Variants in UBR3 observed in about 807,000 individuals in gnomAD.
UBR3 encodes the protein E3 ubiquitin-protein ligase UBR3.
Under a neutral mutation model 243.2 loss-of-function variants are expected in UBR3, and 85 were observed. That is an observed-to-expected ratio of 0.35 (90% CI 0.29 to 0.42). The LOEUF is 0.42. Among genes scored for constraint, UBR3 ranks in the 10% least tolerant of loss-of-function variants. The pLI, the probability that UBR3 is intolerant of heterozygous loss-of-function variation, is 1.00. For synonymous variants in UBR3, 748 were observed against 799.8 expected, an observed-to-expected ratio of 0.94 and a Z score of 1.09; for missense variants, 1,686 against 2,300.8, an observed-to-expected ratio of 0.73 and a Z score of 5.47.
chr2:170,077,601 T>G (rs567445315), intron 36 of UBR3: 2 of 508,676 alleles, frequency 3.9e-6, no homozygotes, highest in Admixed American at 7.4e-5. Flanking sequence ...TTGGAATAAC[T>G]TTGAGACAGA....
chr2:170,061,120 C>A lies in UBR3; in HGVS notation c.4827C>A (p.Ser1609Arg). 6.3e-7 allele frequency: 1 copy of A among 1,599,224 alleles called. No homozygotes were observed. The highest frequency in any genetic ancestry group is 8.5e-7 in the Non-Finnish European group (1 of 1,175,916). ...DAEKSYEVLL[S>R]FVISELFKGK... ...AAAAGTCTTACGAAGTATTACTGAG[C>A]TTTGTGATAAGTGAACTATTTAAAG... The change falls in exon 34 of 39, where the codon AGC (serine) becomes AGA (arginine). Residue 1609 changes from serine (S) to arginine (R), a missense_variant. By Grantham distance (110) the Ser-to-Arg change is moderately radical (BLOSUM62 -1). Coordinates refer to ENST00000272793, the MANE Select transcript of UBR3 (RefSeq NM_172070.4).
intron 24 of UBR3, among the ~76,000 whole-genome samples, chr2:169,982,510 G>C (rs2088786317): frequency 6.6e-6 from 1 of 152,070 alleles, no homozygotes; most frequent in Non-Finnish European, 1.5e-5. Context: ...GTAAACTCTT[G>C]AAGTAGAACT....
At chr2:170,070,176 G>A (rs546859087) in intron 35 of UBR3, among the ~76,000 whole-genome samples, 9 of 152,080 alleles carry the variant, frequency 5.9e-5, no homozygotes, top group South Asian at 2.1e-4. Flanking sequence ...GGTTTATCCC[G>A]GAATGCACAG....
At chr2:169,970,646 A>G (rs2088089998) in intron 24 of UBR3, among the ~76,000 whole-genome samples, 1 of 120,566 alleles carries the variant, frequency 8.3e-6, no homozygotes, top group East Asian at 2.4e-4. Flanking sequence ...CCTACAAAGG[A>G]CACGAACTCA....
At position 169,926,990 on chromosome 2, in the gene UBR3, A is replaced by G. The variant is rs2085933553; in HGVS notation, c.2338+19A>G. 6.5e-7 allele frequency: 1 copy of G among 1,543,690 alleles called. No individual in the cohort carries two copies. The highest frequency in any genetic ancestry group is 2.0e-5 in the Admixed American group (1 of 50,882). On this transcript the variant is annotated intron_variant, in intron 16 of 38. Transcript: ENST00000272793. ...CATTTAGGTAAAACTCACTGATACT[A>G]ATACTTATGCATTAACTGTTTTCCT...
chr2:169,895,712 G>T (rs2084558070), intron 7 of UBR3, among the ~76,000 whole-genome samples: 3 of 152,184 alleles, frequency 2.0e-5, no homozygotes, highest in Admixed American at 2.0e-4. Context: ...GCTGGGAAAA[G>T]CATGGGTTGA....
intron 1 of UBR3, among the ~76,000 whole-genome samples, chr2:169,851,442 T>G (rs1424535883): frequency 1.3e-5 from 2 of 152,226 alleles, no homozygotes; most frequent in Non-Finnish European, 2.9e-5. Flanking sequence ...GTGAGCCATC[T>G]CACCCAGATG....
intron 14 of UBR3, 72 bp from the exon 15 acceptor site, chr2:169,926,620 A>T (rs554260236): frequency 4.2e-6 from 6 of 1,421,796 alleles, no homozygotes; most frequent in African/African-American, 1.5e-5. Flanking sequence ...AAAAAAAAGT[A>T]TAGAAAAACA....
chr2:169,839,269 A>G (rs551748399), intron 1 of UBR3, among the ~76,000 whole-genome samples: 33 of 152,374 alleles, frequency 2.2e-4, no homozygotes, highest in African/African-American at 7.7e-4. Context: ...AACCAAGGGC[A>G]GAAAGACAAA....
chr2:170,038,737 A>G (rs2090891597), intron 31 of UBR3, among the ~76,000 whole-genome samples: 1 of 152,098 alleles, frequency 6.6e-6, no homozygotes, highest in Non-Finnish European at 1.5e-5. Flanking sequence ...GTTATGTTTC[A>G]GGCATTGTAT....
chr2:169,891,247 A>G lies in UBR3; in HGVS notation c.1105+16A>G, dbSNP rs1250667560. On this transcript the variant is annotated intron_variant, in intron 6 of 38. Transcript: ENST00000272793. ...GGCACCAAAGGTATTTGTATTTATT[A>G]TTATTTTTTTCCTTGAATAAAATGC... is the stretch of plus-strand genomic sequence containing the variant. 5 of 1,539,592 alleles carry G rather than the reference A, an allele frequency of 3.2e-6. No homozygotes were observed. The South Asian group carries it at 6.0e-5, about 19-fold the overall frequency.
At chr2:170,009,304 G>T (rs2090015696) in intron 29 of UBR3, among the ~76,000 whole-genome samples, 1 of 152,066 alleles carries the variant, frequency 6.6e-6, no homozygotes, top group Non-Finnish European at 1.5e-5. Flanking sequence ...TTGATTTATG[G>T]AAAAATAAGA....
intron 11 of UBR3, among the ~76,000 whole-genome samples, chr2:169,921,114 G>T (rs532390442): frequency 6.6e-6 from 1 of 152,158 alleles, no homozygotes; most frequent in Non-Finnish European, 1.5e-5. Flanking sequence ...GAAGGAGGAA[G>T]TCTACATTTC....
At chr2:169,939,196 T>C (rs889932589) in intron 19 of UBR3, among the ~76,000 whole-genome samples, 2 of 151,996 alleles carry the variant, frequency 1.3e-5, no homozygotes, top group African/African-American at 2.4e-5. Context: ...AAGTTTTGAT[T>C]GTCTCTCTCC....
intron 23 of UBR3, among the ~76,000 whole-genome samples, chr2:169,951,758 G>A (rs1433400456): frequency 6.6e-6 from 1 of 151,992 alleles, no homozygotes; most frequent in Non-Finnish European, 1.5e-5. Flanking sequence ...GGGCAGGTGT[G>A]GTAAGGGTCT....
chr2:169,845,128 T>C (rs1222786650), intron 1 of UBR3, among the ~76,000 whole-genome samples: 1 of 152,168 alleles, frequency 6.6e-6, no homozygotes, highest in Non-Finnish European at 1.5e-5. Flanking sequence ...TTTAGAAGTT[T>C]TGAGTTTTTT....
chr2:169,936,677 C>G (rs530100801), intron 19 of UBR3, among the ~76,000 whole-genome samples: 15 of 152,058 alleles, frequency 9.9e-5, no homozygotes, highest in African/African-American at 1.2e-4. Context: ...CCCACTCCCC[C>G]CACCCCACAA....
chr2:169,924,738 A>G (rs2105346039), intron 13 of UBR3, among the ~76,000 whole-genome samples: 2 of 152,332 alleles, frequency 1.3e-5, no homozygotes, highest in South Asian at 4.1e-4. Flanking sequence ...GAAACATAAA[A>G]TTATGACTGC....
intron 1 of UBR3, among the ~76,000 whole-genome samples, chr2:169,869,221 T>TG (rs2083357776): frequency 7.2e-6 from 1 of 138,182 alleles, no homozygotes; most frequent in South Asian, 2.6e-4. Context: ...ATAAGGTTTT[T>TG]TTTTTTTTTT....
Sources: gnomAD v4.1 joint callset for allele counts (sites outside exome capture counted in the v4.1 genomes callset) on GRCh38, gnomAD v4.1.1 for gene constraint, MANE v1.5 for transcripts, NCBI Gene and HGNC (gene_info 2026-07-23, HGNC 2026-07-21) for gene names.